GNAI2: variants seen among roughly 807,000 people sequenced by gnomAD.
The protein encoded by GNAI2 is guanine nucleotide-binding protein G(i) subunit alpha-2.
Under a neutral mutation model 36.8 loss-of-function variants are expected in GNAI2, and 4 were observed. The ratio of observed to expected loss-of-function variants is 0.11; its 90% CI spans 0.05 to 0.25. GNAI2 has a LOEUF of 0.25. Among genes scored for constraint, GNAI2 ranks in the 10% least tolerant of loss-of-function variants. The pLI, the probability that GNAI2 is intolerant of heterozygous loss-of-function variation, is 1.00. For missense variants in GNAI2, 230 were observed against 481.3 expected (o/e 0.48, Z 4.89); for synonymous variants, 194 against 194.1 (o/e 1.00, Z 0.01).
upstream of GNAI2, among the ~76,000 whole-genome samples, chr3:50,233,452 T>G (rs1288918946): frequency 2.0e-5 from 3 of 152,158 alleles, no homozygotes; most frequent in African/African-American, 7.2e-5. Context: ...GAGGATCAGC[T>G]CTCAAGCCTG....
upstream of GNAI2, chr3:50,227,540 C>T (rs983622340): frequency 4.2e-4 from 79 of 187,690 alleles, no homozygotes; most frequent in African/African-American, 1.7e-3. The surrounding 1 kb of genome is among the most constrained non-coding windows in gnomAD (Gnocchi z 5.9). Context: ...CGGCCTCTCC[C>T]GGCCACCGAA....
chr3:50,244,382 G>T (rs1282241249), intron 1 of GNAI2, among the ~76,000 whole-genome samples: 1 of 152,078 alleles, frequency 6.6e-6, no homozygotes, highest in Non-Finnish European at 1.5e-5. Flanking sequence ...TCCTCTCACA[G>T]TGATGCTCAA....
At chr3:50,227,749 G>C (rs1700002762), upstream of GNAI2, among the ~76,000 whole-genome samples, 1 of 152,250 alleles carries the variant, frequency 6.6e-6, no homozygotes, top group Non-Finnish European at 1.5e-5. The surrounding 1 kb of genome is among the most constrained non-coding windows in gnomAD (Gnocchi z 5.9). Flanking sequence ...GAATTAGGGA[G>C]GGGCTGCGGT....
chr3:50,243,526 A>C (rs1700345370), intron 1 of GNAI2, among the ~76,000 whole-genome samples: 1 of 152,196 alleles, frequency 6.6e-6, no homozygotes, highest in Non-Finnish European at 1.5e-5. Context: ...ATTCTCCCCT[A>C]CCAGCACCCA....
chr3:50,254,870 T>A lies in GNAI2; in HGVS notation c.465-1322T>A, dbSNP rs587597685. ...GCTCCCCCTGGGAATGGGTTGCGGA[T>A]TGGAACACCACAGGAAGCAGGGCTC... is the stretch of plus-strand genomic sequence containing the variant. On this transcript the variant is annotated intron_variant, in intron 4 of 8. Transcript: ENST00000313601. 9.2e-5 allele frequency among the ~76,000 whole-genome samples: 14 copies of A among 152,318 alleles called. No individual in the cohort carries two copies. The East Asian group carries it at 2.7e-3, about 29-fold the overall frequency.
chr3:50,232,329 C>CA (rs1287367765), upstream of GNAI2, among the ~76,000 whole-genome samples: 77 of 150,678 alleles, frequency 5.1e-4, no homozygotes, highest in Middle Eastern at 6.9e-3. Flanking sequence ...GACTCAGTCT[C>CA]AAAAAAAAAG....
upstream of GNAI2, among the ~76,000 whole-genome samples, chr3:50,228,833 CTG>C (rs925122052): frequency 5.3e-5 from 8 of 152,226 alleles, no homozygotes; most frequent in Admixed American, 2.0e-4. Context: ...TTCCCTAACT[CTG>C]TCTGCTTGGC....
intron 1 of GNAI2, among the ~76,000 whole-genome samples, chr3:50,248,246 G>C: frequency 6.6e-6 from 1 of 152,002 alleles, no homozygotes; most frequent in Non-Finnish European, 1.5e-5. Context: ...GAGCGAGACT[G>C]TGTTTCAAAA....
chr3:50,227,645 G>A (rs1053057489), upstream of GNAI2, among the ~76,000 whole-genome samples: 5 of 152,260 alleles, frequency 3.3e-5, no homozygotes, highest in African/African-American at 1.2e-4. The surrounding 1 kb of genome is among the most constrained non-coding windows in gnomAD (Gnocchi z 5.9). Context: ...GGCCAGAATC[G>A]GGGGAGGACG....
chr3:50,257,552 C>CTT lies in GNAI2; in HGVS notation c.930_931insTT (p.Leu311PhefsTer2). 1 of 1,578,512 alleles carries CTT rather than the reference C, an allele frequency of 6.3e-7. No individual in the cohort carries two copies. The highest frequency in any genetic ancestry group is 8.6e-7 in the Non-Finnish European group (1 of 1,161,122). On this transcript the variant is annotated frameshift_variant, in exon 8 of 9. Transcript: ENST00000313601. LOFTEE classifies it high-confidence loss of function. ...GCTACATCCAGAGTAAGTTTGAGGACCTGAATAAGCGCAAAGACACCAAGG... is the reference window on the plus strand; with the variant it reads ...GCTACATCCAGAGTAAGTTTGAGGACTTCTGAATAAGCGCAAAGACACCAAGG...
At chr3:50,233,892 CTTT>C (rs11313623), upstream of GNAI2, among the ~76,000 whole-genome samples, 1,144 of 110,212 alleles carry the variant, frequency 0.01, 9 homozygotes, top group African/African-American at 0.041. Flanking sequence ...TAACAAGGTT[CTTT>C]TTTTTTTTTT....
chr3:50,257,562 C>CACACG lies in GNAI2; in HGVS notation c.940_941insACACG (p.Arg314HisfsTer38). ...GAGTAAGTTTGAGGACCTGAATAAG[C>CACACG]GCAAAGACACCAAGGAGATCTACAC... On this transcript the variant is annotated frameshift_variant, in exon 8 of 9. Transcript: ENST00000313601. LOFTEE classifies it high-confidence loss of function. 6.7e-7 allele frequency: 1 copy of CACACG among 1,483,026 alleles called. No homozygotes were observed. Among genetic ancestry groups the CACACG allele is most frequent in the South Asian group, 1.3e-5 (1 of 77,210 alleles). The allele number at this position is 1,483,026 out of a possible 1,614,324, so 91.9% of individuals were successfully genotyped here. A position where few individuals can be genotyped will look rare whatever the true frequency, so the allele number is the denominator to read the frequency against.
At chr3:50,251,523 C>T (rs1700555768) in intron 1 of GNAI2, 1 of 1,124,266 alleles carries the variant, frequency 8.9e-7, no homozygotes, top group South Asian at 1.8e-5. Context: ...GCCTTCTAGC[C>T]TCCATCTGCT....
At chr3:50,233,937 C>T (rs1478924416), upstream of GNAI2, among the ~76,000 whole-genome samples, 6 of 150,068 alleles carry the variant, frequency 4.0e-5, no homozygotes, top group African/African-American at 1.2e-4. Flanking sequence ...GCTCTGTTGC[C>T]CAGGGTAGAG....
chr3:50,253,229 G>A lies in GNAI2; in HGVS notation c.464+45G>A, dbSNP rs782584640. The stretch of plus-strand genomic sequence containing the variant: ...GGGCAGGGCAGGGCAGGGGCTGGGG[G>A]AGGACTAAAGGCTGGACCGGAGGGC... On this transcript the variant is annotated intron_variant, in intron 4 of 8. Coordinates refer to ENST00000313601, the MANE Select transcript of GNAI2 (RefSeq NM_002070.4). The surrounding 1 kb of genome is among the most constrained non-coding windows in gnomAD (Gnocchi z 4.2). 1.3e-6 allele frequency: 2 copies of A among 1,519,544 alleles called. No individual in the cohort carries two copies. Among genetic ancestry groups the A allele is most frequent in the Non-Finnish European group, 1.8e-6 (2 of 1,104,346 alleles). The allele number at this position is 1,519,544 out of a possible 1,614,324, so 94.1% of individuals were successfully genotyped here. A position where few individuals can be genotyped will look rare whatever the true frequency, so the allele number is the denominator to read the frequency against.
At chr3:50,234,571 C>T (rs587664835), upstream of GNAI2, among the ~76,000 whole-genome samples, 4 of 152,232 alleles carry the variant, frequency 2.6e-5, no homozygotes, top group South Asian at 2.1e-4. Flanking sequence ...AGGCTGGTCT[C>T]GAACTCCTGA....
chr3:50,230,331 C>T (rs1700048544), upstream of GNAI2: 1 of 152,294 alleles, frequency 6.6e-6, no homozygotes, highest in Non-Finnish European at 1.5e-5. Context: ...ACGAGGTCTA[C>T]AAGCAGTAGC....
intron 1 of GNAI2, among the ~76,000 whole-genome samples, chr3:50,250,646 G>GC (rs1700532045): frequency 6.6e-6 from 1 of 152,162 alleles, no homozygotes; most frequent in South Asian, 2.1e-4. Flanking sequence ...CAGCAAGGGA[G>GC]CAAGGTCAAG....
chr3:50,252,342 C>T lies in GNAI2; in HGVS notation c.162-55C>T, dbSNP rs1317973236. The T allele has an allele frequency of 1.3e-5, 21 of 1,588,528 alleles. No individual in the cohort carries two copies. The highest frequency in any genetic ancestry group is 1.7e-4 in the Middle Eastern group (1 of 5,968). On this transcript the variant is annotated intron_variant, in intron 2 of 8. Transcript: ENST00000313601. The surrounding 1 kb of genome is among the most constrained non-coding windows in gnomAD (Gnocchi z 4.1). The stretch of plus-strand genomic sequence containing the variant: ...GCAGGTCCCAGTAGCCCCAGGCAGC[C>T]GTGGGAACTCCCAGTGCCCAGGGGA...
Sources: allele counts gnomAD v4.1 joint callset (sites outside exome capture counted in the v4.1 genomes callset), GRCh38; gene constraint gnomAD v4.1.1; non-coding constraint Gnocchi (gnomAD v3.1); transcripts MANE v1.5; gene names NCBI Gene and HGNC (gene_info 2026-07-23, HGNC 2026-07-21).